CFAP54: variants seen among roughly 807,000 people sequenced by gnomAD.
The protein encoded by CFAP54 is cilia- and flagella-associated protein 54.
CFAP54 carries 290 observed loss-of-function variants against 370.4 expected under a neutral mutation model. The ratio of observed to expected loss-of-function variants is 0.78; its 90% confidence interval spans 0.71 to 0.86. The LOEUF is 0.86. CFAP54 is among the 40% of genes least tolerant of loss of function. The pLI, the probability that CFAP54 is intolerant of heterozygous loss-of-function variation, is 0.00. For missense variants in CFAP54, 3,399 were observed against 3,528.7 expected (o/e 0.96, Z 0.93); for synonymous variants, 1,206 against 1,236.5 (o/e 0.98, Z 0.52).
At chr12:96,787,027 C>T (rs1958636669) in intron 62 of CFAP54, 129 bp downstream of exon 62, 1 of 722,180 alleles carries the variant, frequency 1.4e-6, no homozygotes, top group South Asian at 2.0e-5. Context: ...AGGGAAGGCT[C>T]ATTCCTGTGT....
At chr12:96,582,898 C>CTT (rs1033429077) in intron 22 of CFAP54, among the ~76,000 whole-genome samples, 1 of 152,130 alleles carries the variant, frequency 6.6e-6, no homozygotes, top group African/African-American at 2.4e-5. Flanking sequence ...TAATTTATAA[C>CTT]TTAAGTTTAA....
Position 96,505,526 on chromosome 12 carries a change from C to T in CFAP54, c.568-1402C>T, listed in dbSNP as rs369513250. Among the ~76,000 whole-genome samples the T allele has an allele frequency of 6.9e-4, 100 of 143,998 alleles. No individual in the cohort carries two copies. In the East Asian group the frequency reaches 0.016, roughly 23 times the overall value. The allele number at this position is 143,998 out of a possible 152,430, so 94.5% of individuals were successfully genotyped here. A position where few individuals can be genotyped will look rare whatever the true frequency, so the allele number is the denominator to read the frequency against. On this transcript the variant is annotated intron_variant, in intron 3 of 67. Transcript: ENST00000524981. Reference sequence around the variant, plus strand: ...ACTTTTTTTTTTTTTTTTTTGAGACCGAGGCTCACTCTGTTGCCCAAGCTG... The same window carrying T: ...ACTTTTTTTTTTTTTTTTTTGAGACTGAGGCTCACTCTGTTGCCCAAGCTG...
intron 39 of CFAP54, among the ~76,000 whole-genome samples, chr12:96,675,779 T>G (rs1016331676): frequency 5.1e-4 from 78 of 152,188 alleles, no homozygotes; most frequent in African/African-American, 1.8e-3. Context: ...TGAGTTCATG[T>G]CCCTTGTAGG....
intron 66 of CFAP54, among the ~76,000 whole-genome samples, chr12:96,839,912 T>C (rs1045622263): frequency 6.6e-6 from 1 of 152,146 alleles, no homozygotes; most frequent in Non-Finnish European, 1.5e-5. Flanking sequence ...AACATGGTAG[T>C]AGGGTTTCAA....
chr12:96,851,463 G>A (rs891302095), intron 66 of CFAP54, among the ~76,000 whole-genome samples: 1 of 151,840 alleles, frequency 6.6e-6, no homozygotes, highest in African/African-American at 2.4e-5. Flanking sequence ...CTTGTAATAA[G>A]GCAAGAGAAT....
In CFAP54 at chr12:96,685,112, C is replaced by G. The variant is rs754737893; in HGVS notation, c.5888C>G (p.Pro1963Arg). Reference sequence around the variant, plus strand: ...CTACACACGTGGAAAGAATTTGGCCCCTCACTCACCAATGTCACCAACAGT... The same window carrying G: ...CTACACACGTGGAAAGAATTTGGCCGCTCACTCACCAATGTCACCAACAGT... ...DVLHTWKEFG[P>R]SLTNVTNSHS... is the part of the protein sequence containing the mutation. Residue 1963 changes from proline (P) to arginine (R), a missense_variant, in exon 42 of 68, where the codon CCC (proline) becomes CGC (arginine). Transcript: ENST00000524981. 6.2e-7 allele frequency: 1 copy of G among 1,614,090 alleles called. No homozygotes were observed. The highest frequency in any genetic ancestry group is 2.2e-5 in the East Asian group (1 of 44,866).
chr12:96,846,392 A>G (rs908774485), intron 66 of CFAP54, among the ~76,000 whole-genome samples: 9 of 152,100 alleles, frequency 5.9e-5, no homozygotes, highest in African/African-American at 2.2e-4. Context: ...TCCTGCTCTA[A>G]TTGGAGCTTT....
chr12:96,503,029 T>G (rs772127890), intron 2 of CFAP54, among the ~76,000 whole-genome samples: 2 of 140,056 alleles, frequency 1.4e-5, no homozygotes, highest in Non-Finnish European at 3.1e-5. Flanking sequence ...CCCTCTCCCT[T>G]CCTTTCCTTC....
At chr12:96,586,377 T>C (rs1213072490) in intron 22 of CFAP54, among the ~76,000 whole-genome samples, 1 of 152,154 alleles carries the variant, frequency 6.6e-6, no homozygotes, top group Non-Finnish European at 1.5e-5. Flanking sequence ...AATTATCTAG[T>C]ATTTCAGAAG....
chr12:96,711,810 A>C (rs1957618606), intron 48 of CFAP54, among the ~76,000 whole-genome samples: 1 of 152,212 alleles, frequency 6.6e-6, no homozygotes, highest in African/African-American at 2.4e-5. Flanking sequence ...TCTCCTGAAC[A>C]ATGTGTTTTT....
intron 32 of CFAP54, among the ~76,000 whole-genome samples, chr12:96,635,193 T>G (rs1190764125): frequency 6.6e-6 from 1 of 152,208 alleles, no homozygotes; most frequent in Non-Finnish European, 1.5e-5. Context: ...TTTAAAAATA[T>G]ATTTATTGTT....
chr12:96,586,872 G>T (rs1018905355), intron 22 of CFAP54, among the ~76,000 whole-genome samples: 13 of 152,220 alleles, frequency 8.5e-5, no homozygotes, highest in African/African-American at 3.1e-4. Context: ...AACGTAAGGG[G>T]GTAGAGTGGC....
chr12:96,689,036 C>A, intron 43 of CFAP54, 54 bp downstream of exon 43: 1 of 1,140,530 alleles, frequency 8.8e-7, no homozygotes, highest in Non-Finnish European at 1.2e-6. Context: ...TTCATTGGAT[C>A]AGTAAAAAAA....
chr12:96,631,972 T>G (rs1956614224), intron 32 of CFAP54, among the ~76,000 whole-genome samples: 1 of 151,836 alleles, frequency 6.6e-6, no homozygotes, highest in African/African-American at 2.4e-5. Context: ...ATCAATGTTG[T>G]GAAAAATTTC....
At chr12:96,610,542 C>T (rs557225268) in intron 26 of CFAP54, among the ~76,000 whole-genome samples, 12 of 152,188 alleles carry the variant, frequency 7.9e-5, no homozygotes, top group South Asian at 4.2e-4. Flanking sequence ...TGGGGCTTGT[C>T]GGACAGTGGG....
At chr12:96,702,887 T>C (rs1436420078) in intron 46 of CFAP54, among the ~76,000 whole-genome samples, 2 of 152,220 alleles carry the variant, frequency 1.3e-5, no homozygotes, top group African/African-American at 2.4e-5. Flanking sequence ...CAGATTACTA[T>C]TGAACTTTTC....
intron 34 of CFAP54, among the ~76,000 whole-genome samples, chr12:96,648,856 G>A (rs1311877222): frequency 6.6e-6 from 1 of 152,024 alleles, no homozygotes; most frequent in Non-Finnish European, 1.5e-5. Context: ...CCAAAGTGTT[G>A]GAATTACAGG....
rs145377015 is a variant in CFAP54, at chr12:96,675,950, C to T, written c.5564-3650C>T. The stretch of plus-strand genomic sequence containing the variant: ...CCGAGGCCTGTTTTGGGGTGGGGGG[C>T]AGGGGAGGGATAGCATTAGGAGATA... On this transcript the variant is annotated intron_variant, in intron 39 of 67. Coordinates refer to ENST00000524981, the MANE Select transcript of CFAP54 (RefSeq NM_001306084.2). Among the ~76,000 whole-genome samples the T allele has an allele frequency of 9.4e-4, 127 of 135,778 alleles. 1 individual carries two copies. The highest frequency in any genetic ancestry group is 3.3e-3 in the African/African-American group (121 of 36,360). 89.1% of individuals were successfully genotyped at this position (135,778 alleles called of 152,430 possible). A position where few individuals can be genotyped will look rare whatever the true frequency, so the allele number is the denominator to read the frequency against.
chr12:96,492,580 G>T (rs1246618886), intron 1 of CFAP54, among the ~76,000 whole-genome samples: 1 of 152,218 alleles, frequency 6.6e-6, no homozygotes, highest in African/African-American at 2.4e-5. Context: ...TCATTAGGAT[G>T]TAAGCTCCCT....
Sources: allele counts gnomAD v4.1 joint callset (sites outside exome capture counted in the v4.1 genomes callset), GRCh38; gene constraint gnomAD v4.1.1; transcripts MANE v1.5; gene names NCBI Gene and HGNC (gene_info 2026-07-23, HGNC 2026-07-21).